Variants in PTPRD observed in about 807,000 individuals in gnomAD.
The protein encoded by PTPRD is receptor-type tyrosine-protein phosphatase delta.
PTPRD carries 34 observed loss-of-function variants against 214.5 expected under a neutral mutation model. That is an observed-to-expected ratio of 0.16 (90% CI 0.12 to 0.21). The LOEUF is 0.21. Among genes scored for constraint, PTPRD ranks in the 10% least tolerant of loss-of-function variants. PTPRD has a pLI of 1.00. For missense variants in PTPRD, 2,545 were observed against 2,398.7 expected, an observed-to-expected ratio of 1.06 and a Z score of -1.27; for synonymous variants, 1,128 against 845.7, an observed-to-expected ratio of 1.33 and a Z score of -5.79.
At chr9:9,004,690 C>T (rs1234051158) in intron 11 of PTPRD, among the ~76,000 whole-genome samples, 2 of 151,972 alleles carry the variant, frequency 1.3e-5, no homozygotes, top group East Asian at 1.9e-4. Context: ...GGCAAAACTG[C>T]CTGCGGAGGG....
chr9:10,080,037 C>G (rs2098209078), intron 3 of PTPRD, among the ~76,000 whole-genome samples: 1 of 150,000 alleles, frequency 6.7e-6, no homozygotes, highest in Non-Finnish European at 1.5e-5. Flanking sequence ...CAGCAGAGAA[C>G]ATAACTTAAG....
intron 10 of PTPRD, among the ~76,000 whole-genome samples, chr9:9,110,843 C>G (rs1240188247): frequency 2.0e-5 from 3 of 152,130 alleles, no homozygotes; most frequent in Non-Finnish European, 4.4e-5. Flanking sequence ...TAAGATTTTA[C>G]TAGAATGTAG....
chr9:10,271,165 A>C (rs1490214888), intron 3 of PTPRD, among the ~76,000 whole-genome samples: 1 of 152,170 alleles, frequency 6.6e-6, no homozygotes, highest in Admixed American at 6.5e-5. Flanking sequence ...TGTAGAGATA[A>C]AAAGTGAGCC....
At position 8,934,801 on chromosome 9, in the gene PTPRD, C is replaced by T. The variant is rs533269885; in HGVS notation, c.-104+83896G>A. Among the ~76,000 whole-genome samples, 40 of 151,718 alleles carry T rather than the reference C, an allele frequency of 2.6e-4. No individual in the cohort carries two copies. In the South Asian group the frequency reaches 5.4e-3, roughly 20 times the overall value. On this transcript the variant is annotated intron_variant, in intron 11 of 45. Coordinates refer to ENST00000381196, the MANE Select transcript of PTPRD (RefSeq NM_002839.4). ...CTCTCTAGCCCCTGGCAACCACCAT[C>T]GTACTCTCTGCATCTGTATGTTCAG...
At chr9:10,534,701 C>G (rs1278882335) in intron 2 of PTPRD, among the ~76,000 whole-genome samples, 1 of 152,010 alleles carries the variant, frequency 6.6e-6, no homozygotes, top group Non-Finnish European at 1.5e-5. Context: ...ATGCTACTAT[C>G]TACTAAGAAG....
chr9:9,202,018 G>A (rs1474149121), intron 9 of PTPRD, among the ~76,000 whole-genome samples: 1 of 152,174 alleles, frequency 6.6e-6, no homozygotes, highest in Non-Finnish European at 1.5e-5. Context: ...TTTTGGTGGA[G>A]TTCAGTGCAA....
chr9:8,465,764 G>A (rs1234003446), intron 31 of PTPRD, 89 bp from the exon 32 acceptor site: 18 of 1,116,060 alleles, frequency 1.6e-5, no homozygotes, highest in African/African-American at 1.4e-4. Context: ...ATTCAGAACT[G>A]GGAACAACCC....
chr9:8,749,416 G>C (rs533195326), intron 11 of PTPRD, among the ~76,000 whole-genome samples: 7 of 152,232 alleles, frequency 4.6e-5, no homozygotes, highest in African/African-American at 1.7e-4. Context: ...TCAAACTCCT[G>C]GCCTCAAACG....
intron 9 of PTPRD, among the ~76,000 whole-genome samples, chr9:9,361,981 G>A (rs983271911): frequency 8.0e-5 from 12 of 150,856 alleles, no homozygotes; most frequent in African/African-American, 2.9e-4. Context: ...AACTCCTTTT[G>A]GAAGAGCCAA....
chr9:9,699,601 T>G (rs2097451823), intron 7 of PTPRD, among the ~76,000 whole-genome samples: 1 of 152,164 alleles, frequency 6.6e-6, no homozygotes, highest in South Asian at 2.1e-4. Context: ...ATATCCCATT[T>G]CGGAAAATGC....
Position 9,465,413 on chromosome 9 carries a change from C to G in PTPRD, c.-236-67931G>C, listed in dbSNP as rs2094054324. 2.0e-5 allele frequency among the ~76,000 whole-genome samples: 3 copies of G among 152,094 alleles called. No individual in the cohort carries two copies. The South Asian group carries it at 6.2e-4, about 32-fold the overall frequency. ...TTTTATAAGGCTAAGAGCCAAAAAC[C>G]AATATGCAAACTGATTGTTTGAGTC... On this transcript the variant is annotated intron_variant, in intron 8 of 45. Coordinates refer to ENST00000381196, the MANE Select transcript of PTPRD (RefSeq NM_002839.4).
intron 11 of PTPRD, among the ~76,000 whole-genome samples, chr9:8,850,554 C>A (rs1304406159): frequency 6.6e-6 from 1 of 152,062 alleles, no homozygotes; most frequent in East Asian, 1.9e-4. Flanking sequence ...TCTTCCCCCT[C>A]CCCGAGAAAA....
chr9:8,599,834 C>G (rs1424441993), intron 14 of PTPRD, among the ~76,000 whole-genome samples: 1 of 151,918 alleles, frequency 6.6e-6, no homozygotes, highest in Non-Finnish European at 1.5e-5. Flanking sequence ...TCAGGCTGGT[C>G]TCAAATTCCC....
At chr9:8,565,892 G>C (rs1180765785) in intron 14 of PTPRD, among the ~76,000 whole-genome samples, 1 of 152,088 alleles carries the variant, frequency 6.6e-6, no homozygotes, top group Non-Finnish European at 1.5e-5. Flanking sequence ...GAAAGTTGCA[G>C]TTCAAATGCT....
intron 36 of PTPRD, among the ~76,000 whole-genome samples, chr9:8,393,904 G>A (rs1489585282): frequency 6.6e-6 from 1 of 151,942 alleles, no homozygotes; most frequent in Admixed American, 6.6e-5. Context: ...GCTTTATACT[G>A]GGTCTTTGTG....
intron 2 of PTPRD, among the ~76,000 whole-genome samples, chr9:10,401,097 T>C (rs2098262135): frequency 2.0e-5 from 3 of 151,726 alleles, no homozygotes; most frequent in Non-Finnish European, 4.4e-5. Flanking sequence ...CATTTAAATT[T>C]AATCCTCAGT....
At chr9:10,532,323 T>C (rs2056586196) in intron 2 of PTPRD, 1 of 154,344 alleles carries the variant, frequency 6.5e-6, no homozygotes, top group Non-Finnish European at 1.4e-5. Context: ...CCTCATAAAC[T>C]GGTTGGTTGT....
chr9:8,803,932 T>G lies in PTPRD; in HGVS notation c.-103-69986A>C, dbSNP rs932139299. On this transcript the variant is annotated intron_variant, in intron 11 of 45. Transcript: ENST00000381196. ...TTTAATATCTACTGGATTTTTTTTT[T>G]ACGTTTGAAGTCCCTCACTTCTTCC... 2.0e-5 allele frequency among the ~76,000 whole-genome samples: 3 copies of G among 152,008 alleles called. No individual in the cohort carries two copies. In the South Asian group the frequency reaches 6.2e-4, roughly 32 times the overall value.
rs367581126 is a variant in PTPRD at position 9,196,650 on chromosome 9, GGTT to G, written c.-202-13290_-202-13288del. On this transcript the variant is annotated intron_variant, in intron 9 of 45. Coordinates refer to ENST00000381196, the MANE Select transcript of PTPRD (RefSeq NM_002839.4). The stretch of plus-strand genomic sequence containing the variant: ...CACTCAAATAGTACTTAATTCAGAG[GGTT>G]GTTGTGAATATTACGTGAAATCATG... Among the ~76,000 whole-genome samples, 29 of 152,184 alleles carry G rather than the reference GGTT, an allele frequency of 1.9e-4. 1 individual carries two copies. The East Asian group carries it at 4.8e-3, about 25-fold the overall frequency.
Sources: gnomAD v4.1 joint callset for allele counts (sites outside exome capture counted in the v4.1 genomes callset) on GRCh38, gnomAD v4.1.1 for gene constraint, MANE v1.5 for transcripts, NCBI Gene and HGNC (gene_info 2026-07-23, HGNC 2026-07-21) for gene names.